BPIFB2: variants seen among roughly 807,000 people sequenced by gnomAD.
BPIFB2 encodes BPI fold containing family B member 2.
BPIFB2 carries 39 observed loss-of-function variants against 50.1 expected under a neutral mutation model. The ratio of observed to expected loss-of-function variants is 0.78; its 90% CI spans 0.60 to 1.02. The LOEUF is 1.02. BPIFB2 is among the 50% of genes least tolerant of loss of function. The pLI, the probability that BPIFB2 is intolerant of heterozygous loss-of-function variation, is 0.00. For missense variants in BPIFB2, 574 were observed against 585.8 expected (o/e 0.98, Z 0.21); for synonymous variants, 280 against 256.3 (o/e 1.09, Z -0.88).
intron 3 of BPIFB2, 95 bp downstream of exon 3, chr20:33,011,212 C>G: frequency 8.2e-7 from 1 of 1,222,836 alleles, no homozygotes; most frequent in Non-Finnish European, 1.2e-6. Flanking sequence ...GGCATGTGCT[C>G]CTGCCTGCTG....
At chr20:33,014,093 G>A (rs1990324966) in intron 5 of BPIFB2, 137 bp downstream of exon 5, 1 of 1,199,936 alleles carries the variant, frequency 8.3e-7, no homozygotes, top group East Asian at 2.6e-5. Context: ...CTTGTTTTAT[G>A]TCGGAGGACA....
At chr20:33,008,135 T>C (rs1990234281) in intron 1 of BPIFB2, among the ~76,000 whole-genome samples, 1 of 152,194 alleles carries the variant, frequency 6.6e-6, no homozygotes, top group South Asian at 2.1e-4. Flanking sequence ...GACACCAAGC[T>C]GGCTGTCACA....
chr20:33,008,672 C>A lies in BPIFB2; in HGVS notation c.98C>A (p.Ala33Glu). 6.2e-7 allele frequency: 1 copy of A among 1,602,500 alleles called. No homozygotes were observed. Reference protein sequence around the residue: ...PGTVVRLNKAALSYVSEIGKA... With the variant: ...PGTVVRLNKAELSYVSEIGKA... ...ACCGTGGTCCGACTCAACAAGGCAG[C>A]ATTGAGCTACGGTAAGCGGTGTGTT... The change falls in exon 2 of 16, where the codon GCA (alanine) becomes GAA (glutamate). Residue 33 changes from alanine (A) to glutamate (E), a missense_variant. Coordinates refer to ENST00000170150, the MANE Select transcript of BPIFB2 (RefSeq NM_025227.3).
At chr20:33,021,866 A>C (rs1600516860) in intron 15 of BPIFB2, 67 bp downstream of exon 15, 1 of 1,481,866 alleles carries the variant, frequency 6.7e-7, no homozygotes, top group Non-Finnish European at 9.4e-7. Context: ...GGTGGGGGTC[A>C]CCTCTCTCCC....
chr20:33,015,599 TAAA>T (rs35897534), intron 6 of BPIFB2, 103 bp downstream of exon 6: 29,190 of 755,542 alleles, frequency 0.039, 7 homozygotes, highest in Admixed American at 0.042. Flanking sequence ...TGCTTGGGAT[TAAA>T]AAAAAAAAAA....
rs181914910 is a variant in BPIFB2 at position 33,011,073 on chromosome 20, C to T, written c.159C>T (p.Val53=). The T allele has an allele frequency of 5.3e-5, 85 of 1,614,056 alleles. 1 individual carries two copies. The Middle Eastern group carries it at 6.6e-4, about 13-fold the overall frequency. ...APLQRALQVT[V]PHFLDWSGEA... ...TCCAGCGGGCCCTGCAGGTCACTGT[C>T]CCTCATTTCCTGGACTGGAGTGGAG... The change falls in exon 3 of 16, where the codon GTC becomes GTT. Residue 53 remains valine (V), a synonymous_variant. Coordinates refer to ENST00000170150, the MANE Select transcript of BPIFB2 (RefSeq NM_025227.3).
At chr20:33,018,139 G>A (rs1020287154) in intron 7 of BPIFB2, 120 bp from the exon 8 acceptor site, 19 of 744,488 alleles carry the variant, frequency 2.6e-5, no homozygotes, top group African/African-American at 3.6e-5. Flanking sequence ...CTTTTGTTTC[G>A]TGGCCTGGCT....
intron 11 of BPIFB2, 130 bp downstream of exon 11, chr20:33,019,880 C>A: frequency 8.2e-7 from 1 of 1,217,874 alleles, no homozygotes; most frequent in South Asian, 1.8e-5. Flanking sequence ...TCAGGACACT[C>A]CCGCCCCAGG....
In BPIFB2 at chr20:33,021,720, C is replaced by A; in HGVS notation, c.1259-3C>A. The A allele has an allele frequency of 6.2e-7, 1 of 1,614,026 alleles. No individual in the cohort carries two copies. The highest frequency in any genetic ancestry group is 1.3e-5 in the African/African-American group (1 of 75,048). ...ACGATCCTTTCTTCTTTCTCGCCTG[C>A]AGCTCTCTTGGCCATGGGAATTGCC... On this transcript the variant is annotated splice_polypyrimidine_tract_variant and splice_region_variant and intron_variant, in intron 14 of 15. Coordinates refer to ENST00000170150, the MANE Select transcript of BPIFB2 (RefSeq NM_025227.3).
At chr20:33,013,464 A>G (rs1251031442) in intron 4 of BPIFB2, among the ~76,000 whole-genome samples, 1 of 152,188 alleles carries the variant, frequency 6.6e-6, no homozygotes, top group African/African-American at 2.4e-5. Context: ...TCTCACAGGA[A>G]ACTCAGCACA....
At chr20:33,012,267 A>G (rs981141159) in intron 3 of BPIFB2, among the ~76,000 whole-genome samples, 1 of 152,232 alleles carries the variant, frequency 6.6e-6, no homozygotes, top group African/African-American at 2.4e-5. Flanking sequence ...TTGTAGACAC[A>G]GGATTGAACC....
rs927468943 is a variant in BPIFB2, at chr20:33,013,798, G to C, written c.309-12G>C. 7.4e-6 allele frequency: 12 copies of C among 1,610,756 alleles called. No individual in the cohort carries two copies. The highest frequency in any genetic ancestry group is 9.3e-6 in the Non-Finnish European group (11 of 1,179,004). The stretch of plus-strand genomic sequence containing the variant: ...GCGGTGCTGCTCGGGCTCAGGACTG[G>C]CATCCCTACAGCGCCCCAGAGCCCC... On this transcript the variant is annotated splice_polypyrimidine_tract_variant and intron_variant, in intron 4 of 15. Coordinates refer to ENST00000170150, the MANE Select transcript of BPIFB2 (RefSeq NM_025227.3).
chr20:33,008,940 A>G (rs1474041350), intron 2 of BPIFB2, among the ~76,000 whole-genome samples: 1 of 152,096 alleles, frequency 6.6e-6, no homozygotes, highest in East Asian at 1.9e-4. Flanking sequence ...TGCTTTGGTG[A>G]TGTGGGCATA....
intron 5 of BPIFB2, 37 bp from the exon 6 acceptor site, chr20:33,015,399 T>G (rs1277794193): frequency 6.3e-7 from 1 of 1,583,286 alleles, no homozygotes; most frequent in East Asian, 2.2e-5. Flanking sequence ...TTAATATGTT[T>G]GGGAGCCCAG....
chr20:33,008,594 TG>T lies in BPIFB2; in HGVS notation c.23del (p.Gly8AlafsTer27), dbSNP rs1184200074. The T allele has an allele frequency of 6.2e-7, 1 of 1,600,872 alleles. No homozygotes were observed. Among genetic ancestry groups the T allele is most frequent in the Non-Finnish European group, 8.5e-7 (1 of 1,174,000 alleles). On this transcript the variant is annotated frameshift_variant, in exon 2 of 16. Transcript: ENST00000170150. LOFTEE classifies it high-confidence loss of function. MAWASR[L>X]GLLLALLLPV... is the part of the protein sequence containing the mutation. ...GCAGCCATGGCTTGGGCAAGTAGGC[TG>T]GGCCTGCTGCTGGCACTGCTGCTGC...
chr20:33,021,574 G>C, intron 14 of BPIFB2, 149 bp from the exon 15 acceptor site: 7 of 905,338 alleles, frequency 7.7e-6, no homozygotes, highest in Non-Finnish European at 1.2e-5. Context: ...TTTTCTCTCT[G>C]AGCCCCAGCT....
chr20:33,018,772 C>A lies in BPIFB2; in HGVS notation c.805C>A (p.Leu269Met), dbSNP rs1396471886. The change falls in exon 9 of 16, where the codon CTG becomes ATG. Residue 269 changes from leucine (L) to methionine (M), a missense_variant. Leu to Met is a conservative substitution (Grantham distance 15). Transcript: ENST00000170150. ...CCAGCAGCTGTTTGACTCTGCGCTCCTGCTGCTGCAGAAGGCCGGTGCCCT... is the reference window on the plus strand; with the variant it reads ...CCAGCAGCTGTTTGACTCTGCGCTCATGCTGCTGCAGAAGGCCGGTGCCCT... ...LSQQLFDSAL[L>M]LLQKAGALNL... 6 of 1,614,112 alleles carry A rather than the reference C, an allele frequency of 3.7e-6. No individual in the cohort carries two copies. The East Asian group carries it at 1.3e-4, about 36-fold the overall frequency.
At chr20:33,022,192 T>C (rs1217286790) in intron 15 of BPIFB2, among the ~76,000 whole-genome samples, 1 of 152,120 alleles carries the variant, frequency 6.6e-6, no homozygotes, top group Non-Finnish European at 1.5e-5. Context: ...GACCTGAAAT[T>C]GTGGGCCCAG....
At chr20:33,010,150 C>T (rs1990265858) in intron 2 of BPIFB2, among the ~76,000 whole-genome samples, 1 of 151,516 alleles carries the variant, frequency 6.6e-6, no homozygotes, top group Non-Finnish European at 1.5e-5. Flanking sequence ...GCACCATCAC[C>T]TCTTATTCTA....
Sources: gnomAD v4.1 joint callset for allele counts (sites outside exome capture counted in the v4.1 genomes callset) on GRCh38, gnomAD v4.1.1 for gene constraint, MANE v1.5 for transcripts, NCBI Gene and HGNC (gene_info 2026-07-23, HGNC 2026-07-21) for gene names.